Variants in PLXNA4 observed in about 807,000 individuals in gnomAD.
The protein encoded by PLXNA4 is plexin A4.
A neutral mutation model predicts 191.8 loss-of-function variants in PLXNA4; 44 were observed. The observed-to-expected ratio is 0.23, with a 90% CI of 0.18 to 0.29. The LOEUF (loss-of-function observed/expected upper bound fraction) is 0.29. PLXNA4 is among the 10% of genes least tolerant of loss of function. PLXNA4 has a pLI of 1.00. For missense variants in PLXNA4, 1,800 were observed against 2,488.8 expected (o/e 0.72, Z 5.89); for synonymous variants, 1,082 against 1,009.5 (o/e 1.07, Z -1.36).
At chr7:132,536,914 C>T (rs1258797856) in intron 1 of PLXNA4, among the ~76,000 whole-genome samples, 1 of 152,220 alleles carries the variant, frequency 6.6e-6, no homozygotes, top group African/African-American at 2.4e-5. Context: ...ACTGCTGAGT[C>T]CCCACTCTGT....
intron 4 of PLXNA4, among the ~76,000 whole-genome samples, chr7:132,254,811 C>T (rs1799377710): frequency 6.6e-6 from 1 of 152,198 alleles, no homozygotes; most frequent in South Asian, 2.1e-4. Flanking sequence ...TTTTGCGCAT[C>T]TGGGGAGTCT....
chr7:132,181,625 G>A lies in PLXNA4; in HGVS notation c.3253-5C>T. 1 of 1,613,688 alleles carries A rather than the reference G, an allele frequency of 6.2e-7. No individual in the cohort carries two copies. Among genetic ancestry groups the A allele is most frequent in the Non-Finnish European group, 8.5e-7 (1 of 1,179,730 alleles). ...AGCGTTCAGAACCTCACAGATCTGT[G>A]GGAGGAGCCACAGAGTGGAGTCTAT... On this transcript the variant is annotated splice_region_variant and splice_polypyrimidine_tract_variant and intron_variant, in intron 17 of 31. Coordinates refer to ENST00000321063, the MANE Select transcript of PLXNA4 (RefSeq NM_020911.2).
chr7:132,478,255 G>A (rs1321818707), intron 3 of PLXNA4, among the ~76,000 whole-genome samples: 3 of 152,224 alleles, frequency 2.0e-5, no homozygotes, highest in Non-Finnish European at 4.4e-5. Context: ...CCCAAGTCTG[G>A]TGTGTCTGGG....
At chr7:132,567,133 CCAA>C (rs1309662383) in intron 1 of PLXNA4, among the ~76,000 whole-genome samples, 1 of 152,118 alleles carries the variant, frequency 6.6e-6, no homozygotes, top group Non-Finnish European at 1.5e-5. Flanking sequence ...AATAGGTTTC[CCAA>C]CAACAGGTCT....
intron 3 of PLXNA4, chr7:132,384,819 G>A: frequency 7.1e-6 from 8 of 1,134,222 alleles, no homozygotes; most frequent in Non-Finnish European, 8.7e-6. Context: ...TGCAGAAGTG[G>A]ACAGATGAGC....
intron 22 of PLXNA4, 135 bp from the exon 23 acceptor site, chr7:132,165,335 C>A (rs76035238): frequency 3.1e-5 from 41 of 1,307,502 alleles, no homozygotes; most frequent in Non-Finnish European, 3.9e-5. Context: ...CCAAACCTTG[C>A]GATCCTAATG....
chr7:132,485,001 C>CT, intron 3 of PLXNA4: 1 of 1,614,084 alleles, frequency 6.2e-7, no homozygotes, highest in Non-Finnish European at 8.5e-7. Context: ...CCTTGTGGAC[C>CT]TGTGCCGAAG....
chr7:132,562,816 T>TCC (rs1801296782), intron 1 of PLXNA4, among the ~76,000 whole-genome samples: 2 of 70,782 alleles, frequency 2.8e-5, no homozygotes, highest in Non-Finnish European at 5.5e-5. Flanking sequence ...TCCTCCTCCT[T>TCC]CTCCTCCTCC....
intron 5 of PLXNA4, among the ~76,000 whole-genome samples, chr7:132,229,653 AG>A (rs1389390296): frequency 6.6e-6 from 1 of 152,192 alleles, no homozygotes; most frequent in Non-Finnish European, 1.5e-5. Context: ...GGAAGATGTC[AG>A]GAGCTGTTGC....
At chr7:132,406,160 A>G (rs1014322801) in intron 3 of PLXNA4, among the ~76,000 whole-genome samples, 10 of 152,126 alleles carry the variant, frequency 6.6e-5, no homozygotes, top group Admixed American at 6.5e-4. Context: ...AGATCCATGA[A>G]CCTCTTCACA....
At chr7:132,208,560 G>C (rs1797699555) in intron 10 of PLXNA4, among the ~76,000 whole-genome samples, 1 of 152,174 alleles carries the variant, frequency 6.6e-6, no homozygotes, top group Admixed American at 6.5e-5. Flanking sequence ...TTCAACATCA[G>C]GTTCTCTTCT....
At chr7:132,332,640 G>C (rs937850530) in intron 3 of PLXNA4, among the ~76,000 whole-genome samples, 6 of 151,762 alleles carry the variant, frequency 4.0e-5, no homozygotes, top group African/African-American at 1.5e-4. Context: ...CTTGAGGCCA[G>C]CAGTTCAAGA....
intron 27 of PLXNA4, 83 bp from the exon 28 acceptor site, chr7:132,146,783 C>A: frequency 6.4e-7 from 1 of 1,565,572 alleles, no homozygotes. Flanking sequence ...CTTGCTCCGG[C>A]AGAAGCCAAC....
chr7:132,379,969 C>A (rs894083252), intron 3 of PLXNA4, among the ~76,000 whole-genome samples: 2 of 152,176 alleles, frequency 1.3e-5, no homozygotes, highest in African/African-American at 4.8e-5. Flanking sequence ...GGACTTGCCA[C>A]CACCGTCACC....
chr7:132,598,754 C>T (rs1585395801), intron 2 of PLXNA4, among the ~76,000 whole-genome samples: 2 of 151,448 alleles, frequency 1.3e-5, no homozygotes, highest in East Asian at 3.9e-4. Context: ...TCCATGGTAT[C>T]CTTCATCTAA....
intron 25 of PLXNA4, among the ~76,000 whole-genome samples, chr7:132,153,393 G>A (rs1419358181): frequency 1.3e-5 from 2 of 152,168 alleles, no homozygotes; most frequent in East Asian, 3.9e-4. Context: ...GGAGAGGAGA[G>A]CATTATTAGA....
intron 7 of PLXNA4, 23 bp from the exon 8 acceptor site, chr7:132,226,283 G>T: frequency 1.3e-6 from 2 of 1,596,042 alleles, no homozygotes; most frequent in Non-Finnish European, 1.7e-6. Context: ...ATGGCTGAGG[G>T]GTCAGGGAAT....
At chr7:132,191,423 G>A (rs1797083221) in intron 14 of PLXNA4, among the ~76,000 whole-genome samples, 1 of 152,166 alleles carries the variant, frequency 6.6e-6, no homozygotes, top group South Asian at 2.1e-4. Flanking sequence ...AGCCTGGGTG[G>A]GCCAAGTGGA....
intron 3 of PLXNA4, among the ~76,000 whole-genome samples, chr7:132,324,507 G>A (rs1402000727): frequency 6.6e-6 from 1 of 152,160 alleles, no homozygotes; most frequent in Non-Finnish European, 1.5e-5. Flanking sequence ...TCAGGTTAAT[G>A]GTTTGAGAGT....
Sources: gnomAD v4.1 joint callset for allele counts (sites outside exome capture counted in the v4.1 genomes callset) on GRCh38, gnomAD v4.1.1 for gene constraint, MANE v1.5 for transcripts, NCBI Gene and HGNC (gene_info 2026-07-23, HGNC 2026-07-21) for gene names.